DEPTOR: variants seen among roughly 807,000 people sequenced by gnomAD.
DEPTOR encodes the protein DEP domain containing MTOR interacting protein, also known as DEP domain-containing mTOR-interacting protein.
Under a neutral mutation model 41.6 loss-of-function variants are expected in DEPTOR, and 41 were observed. That is an observed-to-expected ratio of 0.98 (90% CI 0.77 to 1.28). DEPTOR has a LOEUF of 1.28. Among genes scored for constraint, DEPTOR ranks in the 50% most tolerant of loss-of-function variants. The probability of loss-of-function intolerance (pLI) is 0.00; values close to 1 mark genes in which losing one functional copy is unlikely to be tolerated. For synonymous variants in DEPTOR, 195 were observed against 192.3 expected (o/e 1.01, Z -0.12); for missense variants, 514 against 527.9 (o/e 0.97, Z 0.26).
At chr8:120,027,521 A>G (rs1352992478) in intron 8 of DEPTOR, among the ~76,000 whole-genome samples, 3 of 151,546 alleles carry the variant, frequency 2.0e-5, no homozygotes, top group Non-Finnish European at 2.9e-5. Context: ...CCTGGCCAAC[A>G]TGGTGAAACC....
At chr8:119,908,679 T>G (rs1827699609) in intron 1 of DEPTOR, among the ~76,000 whole-genome samples, 1 of 152,142 alleles carries the variant, frequency 6.6e-6, no homozygotes, top group Non-Finnish European at 1.5e-5. Flanking sequence ...TTTTGTATTT[T>G]TAGTAGAGAT....
chr8:119,999,578 C>T (rs1045184782), intron 4 of DEPTOR, among the ~76,000 whole-genome samples: 10 of 150,950 alleles, frequency 6.6e-5, no homozygotes, highest in Non-Finnish European at 1.0e-4. Context: ...GAGCTATGAT[C>T]GTGCCACTGC....
intron 8 of DEPTOR, among the ~76,000 whole-genome samples, chr8:120,015,676 A>G (rs1482714215): frequency 2.0e-5 from 3 of 152,160 alleles, no homozygotes; most frequent in African/African-American, 7.2e-5. Context: ...GAGGCCGAAG[A>G]TAGATGCTCA....
At chr8:119,964,515 CAAAAAAAAAAAA>C (rs536731714) in intron 3 of DEPTOR, among the ~76,000 whole-genome samples, 203 of 121,700 alleles carry the variant, frequency 1.7e-3, no homozygotes, top group African/African-American at 5.8e-3. Context: ...AAGCCCGTCT[CAAAAAAAAAAAA>C]AAAAAAAAAA....
chr8:120,043,993 C>T (rs1232484163), intron 8 of DEPTOR, among the ~76,000 whole-genome samples: 2 of 150,190 alleles, frequency 1.3e-5, no homozygotes, highest in Non-Finnish European at 2.9e-5. Context: ...GCCTGAGGGA[C>T]AGCGCGAGAC....
At chr8:119,938,406 C>T (rs1828139191) in intron 3 of DEPTOR, among the ~76,000 whole-genome samples, 2 of 152,138 alleles carry the variant, frequency 1.3e-5, no homozygotes, top group Admixed American at 1.3e-4. Flanking sequence ...AACTTTAGAA[C>T]AAAATTTAAG....
At chr8:119,927,504 C>G (rs1156989975) in intron 1 of DEPTOR, among the ~76,000 whole-genome samples, 4 of 151,050 alleles carry the variant, frequency 2.6e-5, no homozygotes, top group Non-Finnish European at 4.4e-5. Flanking sequence ...TGTTGTATTT[C>G]TTTCTAGGCA....
chr8:119,993,533 T>C (rs1428046372), intron 4 of DEPTOR, among the ~76,000 whole-genome samples: 2 of 152,202 alleles, frequency 1.3e-5, no homozygotes, highest in Non-Finnish European at 1.5e-5. Context: ...AGATATTGAA[T>C]GTAGATGTTG....
intron 1 of DEPTOR, among the ~76,000 whole-genome samples, chr8:119,923,000 G>A (rs1387471991): frequency 6.8e-6 from 1 of 147,558 alleles, no homozygotes; most frequent in African/African-American, 2.5e-5. Context: ...CACCATCCCC[G>A]AACATGGGCT....
Position 119,935,996 on chromosome 8 carries a change from G to GT in DEPTOR, c.425+6060dup, listed in dbSNP as rs1201688321. ...TCTGGTTCATAGACACATTAGTCTA[G>GT]TTGTTTTTTTTTTTTTTTTTTTTAT... On this transcript the variant is annotated intron_variant, in intron 3 of 8. Coordinates refer to ENST00000286234, the MANE Select transcript of DEPTOR (RefSeq NM_022783.4). Among the ~76,000 whole-genome samples the GT allele has an allele frequency of 3.1e-4, 32 of 102,698 alleles. 1 individual carries two copies. The highest frequency in any genetic ancestry group is 9.7e-4 in the South Asian group (3 of 3,088). 67.4% of individuals were successfully genotyped at this position (102,698 alleles called of 152,430 possible). A position where few individuals can be genotyped will look rare whatever the true frequency, so the allele number is the denominator to read the frequency against.
chr8:119,893,051 G>C (rs1316953983), intron 1 of DEPTOR, among the ~76,000 whole-genome samples: 1 of 152,120 alleles, frequency 6.6e-6, no homozygotes, highest in Non-Finnish European at 1.5e-5. Context: ...CCAAAGTCCT[G>C]GGATTACAGG....
chr8:119,962,703 G>A (rs1478625436), intron 3 of DEPTOR, among the ~76,000 whole-genome samples: 1 of 151,932 alleles, frequency 6.6e-6, no homozygotes, highest in Non-Finnish European at 1.5e-5. Flanking sequence ...TAGACTTAGG[G>A]GTCCAAGGTT....
intron 3 of DEPTOR, among the ~76,000 whole-genome samples, chr8:119,937,518 C>G (rs1026811382): frequency 6.6e-6 from 1 of 152,144 alleles, no homozygotes; most frequent in Non-Finnish European, 1.5e-5. Context: ...TTTATTTGAA[C>G]AATGTCCTAA....
intron 3 of DEPTOR, among the ~76,000 whole-genome samples, chr8:119,953,602 AAAAG>A (rs1047388155): frequency 1.3e-5 from 2 of 151,626 alleles, no homozygotes; most frequent in African/African-American, 2.4e-5. Context: ...AAAAAAAAAA[AAAAG>A]AAAGAAAGAA....
chr8:119,984,238 G>A (rs2130028723), intron 4 of DEPTOR, among the ~76,000 whole-genome samples: 2 of 152,216 alleles, frequency 1.3e-5, no homozygotes, highest in Admixed American at 1.3e-4. Context: ...TCCTTCTATG[G>A]ACCAGGGACG....
intron 8 of DEPTOR, among the ~76,000 whole-genome samples, chr8:120,014,873 C>A (rs1344406223): frequency 6.6e-6 from 1 of 150,872 alleles, no homozygotes; most frequent in African/African-American, 2.4e-5. Flanking sequence ...TAAACGTTAA[C>A]GTTGGTTTCA....
intron 1 of DEPTOR, among the ~76,000 whole-genome samples, chr8:119,876,694 A>T (rs1827235465): frequency 6.6e-6 from 1 of 152,120 alleles, no homozygotes; most frequent in Admixed American, 6.5e-5. Context: ...TCATAGTGTT[A>T]CTATGAGGAT....
chr8:119,966,354 T>A (rs115034187), intron 4 of DEPTOR, among the ~76,000 whole-genome samples: 1 of 152,164 alleles, frequency 6.6e-6, no homozygotes, highest in Non-Finnish European at 1.5e-5. Context: ...TAATCCCGGC[T>A]ACTCAGGAAG....
chr8:119,879,245 T>C (rs901209593), intron 1 of DEPTOR, among the ~76,000 whole-genome samples: 1 of 152,180 alleles, frequency 6.6e-6, no homozygotes, highest in African/African-American at 2.4e-5. Flanking sequence ...TTGGTGGGAA[T>C]GTAAAATGGT....
Sources: gnomAD v4.1 joint callset for allele counts (sites outside exome capture counted in the v4.1 genomes callset) on GRCh38, gnomAD v4.1.1 for gene constraint, MANE v1.5 for transcripts, NCBI Gene and HGNC (gene_info 2026-07-23, HGNC 2026-07-21) for gene names.